Variants in PPFIBP1 observed in about 807,000 individuals in gnomAD.
The protein encoded by PPFIBP1 is PPFIB scaffold protein 1, also known as liprin-beta-1.
Under a neutral mutation model 137.8 loss-of-function variants are expected in PPFIBP1, and 112 were observed. The ratio of observed to expected loss-of-function variants is 0.81; its 90% CI spans 0.70 to 0.95. PPFIBP1 has a LOEUF of 0.95. Among genes scored for constraint, PPFIBP1 ranks in the 40% least tolerant of loss-of-function variants. The pLI, the probability that PPFIBP1 is intolerant of heterozygous loss-of-function variation, is 0.00. For missense variants in PPFIBP1, 1,083 were observed against 1,196.6 expected (o/e 0.91, Z 1.40); for synonymous variants, 378 against 417.3 (o/e 0.91, Z 1.15).
At chr12:27,599,254 G>A (rs1322567575) in intron 2 of PPFIBP1, 2 of 223,584 alleles carry the variant, frequency 8.9e-6, no homozygotes, top group Non-Finnish European at 1.8e-5. Flanking sequence ...GCCCTTCCCA[G>A]TGTGGGTGGA....
At chr12:27,552,274 A>G (rs573249859) in intron 1 of PPFIBP1, among the ~76,000 whole-genome samples, 1 of 152,338 alleles carries the variant, frequency 6.6e-6, no homozygotes, top group Non-Finnish European at 1.5e-5. Context: ...TTTCTCCTGC[A>G]TGTCTTTGGA....
At chr12:27,610,828 A>C (rs916594886) in intron 2 of PPFIBP1, among the ~76,000 whole-genome samples, 2 of 152,106 alleles carry the variant, frequency 1.3e-5, no homozygotes, top group African/African-American at 4.8e-5. Flanking sequence ...TCTTTGACTT[A>C]GACACAGTTT....
intron 11 of PPFIBP1, among the ~76,000 whole-genome samples, chr12:27,662,362 T>C (rs1565964805): frequency 1.3e-5 from 2 of 152,164 alleles, no homozygotes; most frequent in Non-Finnish European, 2.9e-5. Flanking sequence ...TGGTCTTGAT[T>C]TAGGGTCTTA....
chr12:27,668,653 C>T (rs1055218853), intron 13 of PPFIBP1, among the ~76,000 whole-genome samples: 8 of 152,264 alleles, frequency 5.3e-5, no homozygotes, highest in Admixed American at 3.3e-4. Flanking sequence ...GAATTTCATA[C>T]GAATCATGTT....
intron 2 of PPFIBP1, among the ~76,000 whole-genome samples, chr12:27,614,801 A>G (rs1302230657): frequency 4.6e-5 from 7 of 152,226 alleles, no homozygotes. Flanking sequence ...ATATAACCGG[A>G]ATCAAAGATT....
chr12:27,585,394 A>G (rs919548133), intron 2 of PPFIBP1, among the ~76,000 whole-genome samples: 1 of 152,204 alleles, frequency 6.6e-6, no homozygotes, highest in Middle Eastern at 3.2e-3. Flanking sequence ...CCCCCCTCAT[A>G]TAAATATCCA....
At chr12:27,626,274 G>C (rs1292038099) in intron 2 of PPFIBP1, among the ~76,000 whole-genome samples, 6 of 152,172 alleles carry the variant, frequency 3.9e-5, no homozygotes, top group Non-Finnish European at 2.9e-5. Flanking sequence ...TTTAAAGGGA[G>C]AGGTTTTTTG....
chr12:27,633,074 C>T (rs978089087), intron 2 of PPFIBP1, among the ~76,000 whole-genome samples: 2 of 152,210 alleles, frequency 1.3e-5, no homozygotes, highest in Non-Finnish European at 2.9e-5. Flanking sequence ...ATGGCCATCC[C>T]TGTTGCCCTT....
chr12:27,547,896 G>C (rs1946388551), intron 1 of PPFIBP1: 1 of 152,186 alleles, frequency 6.6e-6, no homozygotes, highest in Admixed American at 6.5e-5. Flanking sequence ...AGGACGTCTG[G>C]GTGGAGCAAT....
intron 1 of PPFIBP1, among the ~76,000 whole-genome samples, chr12:27,561,642 C>G (rs1046905856): frequency 1.3e-5 from 2 of 152,148 alleles, no homozygotes; most frequent in African/African-American, 4.8e-5. Flanking sequence ...GCTTCTCTGA[C>G]CTCTCCTGAT....
rs1566003664 is a variant in PPFIBP1, at chr12:27,680,046, T to G, written c.1880T>G (p.Leu627Trp). ...AGPRLGWSRDLGQSNSDLDMP... is the reference protein window; with the variant it reads ...AGPRLGWSRDWGQSNSDLDMP... ...CCCCGATTAGGTTGGTCTCGAGACTTGGGACAGTCTAACAGGTAAGAAGAG... is the reference window on the plus strand; with the variant it reads ...CCCCGATTAGGTTGGTCTCGAGACTGGGGACAGTCTAACAGGTAAGAAGAG... The change falls in exon 21 of 30, where the codon TTG (leucine) becomes TGG (tryptophan). Residue 627 changes from leucine (L) to tryptophan (W), a missense_variant. By Grantham distance (61) the Leu-to-Trp change is moderately conservative. Coordinates refer to ENST00000228425, the MANE Select transcript of PPFIBP1 (RefSeq NM_003622.4). 1.9e-6 allele frequency: 3 copies of G among 1,613,936 alleles called. No individual in the cohort carries two copies. The highest frequency in any genetic ancestry group is 2.5e-6 in the Non-Finnish European group (3 of 1,179,964).
At chr12:27,653,845 G>A (rs1291015523) in intron 7 of PPFIBP1, among the ~76,000 whole-genome samples, 2 of 152,134 alleles carry the variant, frequency 1.3e-5, no homozygotes, top group African/African-American at 2.4e-5. Context: ...GCAGAATTGT[G>A]TTGTGTCATA....
intron 2 of PPFIBP1, among the ~76,000 whole-genome samples, chr12:27,611,037 C>G (rs1481381361): frequency 6.6e-6 from 1 of 152,158 alleles, no homozygotes; most frequent in Non-Finnish European, 1.5e-5. Context: ...CCAGATCTCT[C>G]AGCAGGAACA....
intron 13 of PPFIBP1, among the ~76,000 whole-genome samples, chr12:27,671,070 A>G (rs1278438285): frequency 1.3e-5 from 2 of 152,142 alleles, no homozygotes; most frequent in Non-Finnish European, 1.5e-5. Flanking sequence ...TCAGGAGGCT[A>G]CGGCAGGAGA....
chr12:27,594,593 T>G (rs1445636387), intron 2 of PPFIBP1, among the ~76,000 whole-genome samples: 2 of 152,220 alleles, frequency 1.3e-5, no homozygotes, highest in African/African-American at 2.4e-5. Flanking sequence ...CTTACTTCAT[T>G]GTGTTATAAT....
At chr12:27,549,108 G>A (rs1337528315) in intron 1 of PPFIBP1, 1 of 152,214 alleles carries the variant, frequency 6.6e-6, no homozygotes, top group Non-Finnish European at 1.5e-5. Flanking sequence ...AATAGGAGAT[G>A]CAGAAACTAA....
At chr12:27,658,652 A>T (rs1218711213) in intron 9 of PPFIBP1, among the ~76,000 whole-genome samples, 164 bp from the exon 10 acceptor site, 3 of 152,222 alleles carry the variant, frequency 2.0e-5, no homozygotes, top group African/African-American at 7.2e-5. Context: ...ATAGAGCATT[A>T]TTGTACTACC....
intron 2 of PPFIBP1, among the ~76,000 whole-genome samples, chr12:27,625,179 G>A (rs1210344244): frequency 6.6e-6 from 1 of 152,124 alleles, no homozygotes. Context: ...AGCCCAGAGA[G>A]GTTGAGGCTG....
rs771918650 is a variant in PPFIBP1, at chr12:27,688,289, T to G, written c.2371-9T>G. 1 of 1,613,090 alleles carries G rather than the reference T, an allele frequency of 6.2e-7. No homozygotes were observed. Among genetic ancestry groups the G allele is most frequent in the Admixed American group, 1.7e-5 (1 of 59,786 alleles). The stretch of plus-strand genomic sequence containing the variant: ...TAATATTTAGGATCCTGGTTGTGTG[T>G]TCCCATAGAATACCATCGCCCCATC... On this transcript the variant is annotated splice_polypyrimidine_tract_variant and intron_variant, in intron 25 of 29. Transcript: ENST00000228425.
Sources: allele counts gnomAD v4.1 joint callset (sites outside exome capture counted in the v4.1 genomes callset), GRCh38; gene constraint gnomAD v4.1.1; transcripts MANE v1.5; gene names NCBI Gene and HGNC (gene_info 2026-07-23, HGNC 2026-07-21).